Variants in NPSR1 observed in about 807,000 individuals in gnomAD.
The protein encoded by NPSR1 is neuropeptide S receptor.
Under a neutral mutation model 46.9 loss-of-function variants are expected in NPSR1, and 48 were observed. That is an observed-to-expected ratio of 1.02 (90% CI 0.81 to 1.30). The LOEUF is 1.30. Ranked by LOEUF, NPSR1 falls within the 50% of genes most tolerant of loss-of-function variation. The pLI is 0.00. For synonymous variants in NPSR1, 176 were observed against 168.1 expected, an observed-to-expected ratio of 1.05 and a Z score of -0.36; for missense variants, 450 against 449.5, an observed-to-expected ratio of 1.00 and a Z score of -0.01.
intron 2 of NPSR1, among the ~76,000 whole-genome samples, chr7:34,694,164 A>G (rs1303317389): frequency 6.6e-6 from 1 of 152,192 alleles, no homozygotes; most frequent in African/African-American, 2.4e-5. Flanking sequence ...ATCAGGCAAG[A>G]AAAAGAAATG....
At chr7:34,683,411 C>A (rs1299767367) in intron 1 of NPSR1, among the ~76,000 whole-genome samples, 1 of 149,018 alleles carries the variant, frequency 6.7e-6, no homozygotes, top group Non-Finnish European at 1.5e-5. Context: ...CATGCCACTG[C>A]ACTCCAGCCT....
At chr7:34,818,624 A>T (rs148670010) in intron 4 of NPSR1, among the ~76,000 whole-genome samples, 1 of 152,114 alleles carries the variant, frequency 6.6e-6, no homozygotes, top group African/African-American at 2.4e-5. Context: ...AATCCTAAGC[A>T]AAAAGAACAA....
At chr7:34,715,952 G>A (rs570968817) in intron 2 of NPSR1, among the ~76,000 whole-genome samples, 25 of 152,024 alleles carry the variant, frequency 1.6e-4, no homozygotes, top group African/African-American at 6.0e-4. Flanking sequence ...GAAAGTCGAG[G>A]GAAGATAAAA....
At chr7:34,703,721 T>C (rs1264232726) in intron 2 of NPSR1, 1 of 152,626 alleles carries the variant, frequency 6.6e-6, no homozygotes, top group Non-Finnish European at 1.5e-5. Flanking sequence ...TGGCACATTC[T>C]GTAATTCTTA....
At chr7:34,827,020 C>G (rs1478728327) in intron 4 of NPSR1, among the ~76,000 whole-genome samples, 3 of 152,122 alleles carry the variant, frequency 2.0e-5, no homozygotes, top group African/African-American at 7.2e-5. Context: ...TGCCTGGTAA[C>G]AAGAGACTGC....
At chr7:34,696,090 A>AAC (rs1793508975) in intron 2 of NPSR1, among the ~76,000 whole-genome samples, 1 of 151,716 alleles carries the variant, frequency 6.6e-6, no homozygotes, top group African/African-American at 2.4e-5. Context: ...AAAAAAAAAA[A>AAC]AAAAAAAACT....
intron 2 of NPSR1, among the ~76,000 whole-genome samples, chr7:34,729,020 C>G (rs1283551570): frequency 6.6e-6 from 1 of 152,164 alleles, no homozygotes; most frequent in African/African-American, 2.4e-5. Context: ...AACATTAATA[C>G]AGGAATCCAA....
At chr7:34,688,318 A>C (rs1793043243) in intron 2 of NPSR1, among the ~76,000 whole-genome samples, 2 of 152,216 alleles carry the variant, frequency 1.3e-5, no homozygotes, top group Admixed American at 1.3e-4. Flanking sequence ...CAATACAATA[A>C]TTGATGAAAA....
In NPSR1 at chr7:34,836,270, CA is replaced by C. The variant is rs796168089; in HGVS notation, c.757+1820del. Among the ~76,000 whole-genome samples, 154 of 146,990 alleles carry C rather than the reference CA, an allele frequency of 1.0e-3. 4 individuals carry two copies. The South Asian group carries it at 0.027, about 26-fold the overall frequency. On this transcript the variant is annotated intron_variant, in intron 6 of 8. Transcript: ENST00000360581. The stretch of plus-strand genomic sequence containing the variant: ...TTGGTTAAAAGTTAGAATATTTGTC[CA>C]AAAAAAAAATTGGATGAAGACATCC...
At chr7:34,659,648 A>T (rs1405933733) in intron 1 of NPSR1, among the ~76,000 whole-genome samples, 1 of 151,842 alleles carries the variant, frequency 6.6e-6, no homozygotes, top group Non-Finnish European at 1.5e-5. Flanking sequence ...TGAGCAAACT[A>T]CTCCTCCACT....
At chr7:34,775,090 G>A (rs1786888427) in intron 2 of NPSR1, among the ~76,000 whole-genome samples, 3 of 152,154 alleles carry the variant, frequency 2.0e-5, no homozygotes, top group African/African-American at 2.4e-5. Context: ...GAGTGTATGT[G>A]TCCTACCAAT....
chr7:34,679,376 TAAAC>T (rs144071362), intron 1 of NPSR1, among the ~76,000 whole-genome samples: 100 of 152,056 alleles, frequency 6.6e-4, no homozygotes, highest in African/African-American at 1.7e-3. Context: ...AATATATAGA[TAAAC>T]AAAGATATAC....
chr7:34,848,591 T>C lies in NPSR1; in HGVS notation c.953T>C (p.Leu318Pro), dbSNP rs757439928. ...RFYASVIIQN[L>P]PALNSAINPL... ...TATGCCTCTGTGATCATTCAGAACC[T>C]GCCAGCATTGAATAGTGCCATCAAC... The change falls in exon 8 of 9, where the codon CTG becomes CCG. Residue 318 changes from leucine (L) to proline (P), a missense_variant. Leu to Pro is a moderately conservative substitution (Grantham distance 98). Transcript: ENST00000360581. The C allele has an allele frequency of 1.2e-6, 2 of 1,614,078 alleles. No individual in the cohort carries two copies. Among genetic ancestry groups the C allele is most frequent in the East Asian group, 4.5e-5 (2 of 44,894 alleles).
At chr7:34,826,300 C>A (rs1236621209) in intron 4 of NPSR1, among the ~76,000 whole-genome samples, 1 of 152,156 alleles carries the variant, frequency 6.6e-6, no homozygotes, top group Admixed American at 6.5e-5. Flanking sequence ...TCAGGAAGAA[C>A]AGAACCCTAG....
chr7:34,691,032 A>C (rs1793224056), intron 2 of NPSR1, among the ~76,000 whole-genome samples: 1 of 152,210 alleles, frequency 6.6e-6, no homozygotes, highest in East Asian at 1.9e-4. Flanking sequence ...TGGACTTCTC[A>C]GCAGAAACCC....
rs774119419 is a variant in NPSR1, at chr7:34,834,296, C to T, written c.681-88C>T. 2.2e-5 allele frequency: 20 copies of T among 921,710 alleles called. 1 individual carries two copies. The Admixed American group carries it at 3.4e-4, about 16-fold the overall frequency. 57.1% of individuals were successfully genotyped at this position (921,710 alleles called of 1,614,324 possible). ...AAAAGATCTGTCCCTTCACACCTTGCACTCGGGGAGGTGGGAGTGGTCTTC... is the reference window on the plus strand; with the variant it reads ...AAAAGATCTGTCCCTTCACACCTTGTACTCGGGGAGGTGGGAGTGGTCTTC... On this transcript the variant is annotated intron_variant, in intron 5 of 8. Coordinates refer to ENST00000360581, the MANE Select transcript of NPSR1 (RefSeq NM_207172.2).
At chr7:34,675,097 C>A (rs544283167) in intron 1 of NPSR1, among the ~76,000 whole-genome samples, 2 of 152,302 alleles carry the variant, frequency 1.3e-5, no homozygotes, top group African/African-American at 4.8e-5. Flanking sequence ...TAAGTAACTT[C>A]TCTGAGCTTC....
chr7:34,828,072 G>A (rs909803863), intron 5 of NPSR1, among the ~76,000 whole-genome samples: 1 of 152,168 alleles, frequency 6.6e-6, no homozygotes, highest in Non-Finnish European at 1.5e-5. Context: ...TGAAAAGATA[G>A]ACATACTTGA....
At chr7:34,706,596 A>G (rs1016149353) in intron 2 of NPSR1, among the ~76,000 whole-genome samples, 6 of 151,918 alleles carry the variant, frequency 3.9e-5, no homozygotes, top group African/African-American at 1.4e-4. Flanking sequence ...GTGCCTTTTT[A>G]TTTCTGTCAG....
Sources: gnomAD v4.1 joint callset for allele counts (sites outside exome capture counted in the v4.1 genomes callset) on GRCh38, gnomAD v4.1.1 for gene constraint, MANE v1.5 for transcripts, NCBI Gene and HGNC (gene_info 2026-07-23, HGNC 2026-07-21) for gene names.